The following IRF8 variants were observed in gnomAD, a reference collection of about 807,000 sequenced individuals.
IRF8 encodes the protein interferon regulatory factor 8.
In IRF8, 14 loss-of-function variants were observed where a neutral mutation model predicts 48.7. That is an observed-to-expected ratio of 0.29 (90% confidence interval 0.19 to 0.45). IRF8 has a LOEUF of 0.45. Among genes scored for constraint, IRF8 ranks in the 20% least tolerant of loss-of-function variants. The pLI is 1.00. For synonymous variants in IRF8, 278 were observed against 227.3 expected (o/e 1.22, Z -2.01); for missense variants, 493 against 580.7 (o/e 0.85, Z 1.55).
At chr16:85,915,338 C>T (rs1905269306) in intron 6 of IRF8, among the ~76,000 whole-genome samples, 1 of 152,222 alleles carries the variant, frequency 6.6e-6, no homozygotes, top group African/African-American at 2.4e-5. Context: ...AGATGGGCCA[C>T]AGAACGTTAG....
chr16:85,915,153 G>A (rs949074035), intron 6 of IRF8, among the ~76,000 whole-genome samples: 3 of 152,232 alleles, frequency 2.0e-5, no homozygotes, highest in African/African-American at 7.2e-5. Flanking sequence ...GCCTCCCCGC[G>A]GTGGGCAGAG....
intron 1 of IRF8, 124 bp from the exon 2 acceptor site, chr16:85,902,891 T>C: frequency 9.8e-7 from 1 of 1,019,614 alleles, no homozygotes; most frequent in Non-Finnish European, 1.5e-6. Context: ...CCTGAATCTG[T>C]GGGTTTCCCC....
intron 2 of IRF8, among the ~76,000 whole-genome samples, chr16:85,903,873 T>C (rs1904906147): frequency 6.6e-6 from 1 of 152,212 alleles, no homozygotes; most frequent in Non-Finnish European, 1.5e-5. Flanking sequence ...TGTTGAGGTC[T>C]CACAGCTCTT....
At chr16:85,905,751 G>A (rs564942995) in intron 2 of IRF8, among the ~76,000 whole-genome samples, 6 of 152,332 alleles carry the variant, frequency 3.9e-5, no homozygotes, top group South Asian at 2.1e-4. Context: ...GGGATTTTCC[G>A]GTTATGTAGA....
intron 6 of IRF8, among the ~76,000 whole-genome samples, chr16:85,916,173 C>T (rs561863837): frequency 2.6e-5 from 4 of 152,310 alleles, no homozygotes; most frequent in South Asian, 2.1e-4. Context: ...ATACAAGCTC[C>T]GATAATCCTC....
chr16:85,912,746 G>A (rs1257479001), intron 4 of IRF8, among the ~76,000 whole-genome samples: 1 of 152,242 alleles, frequency 6.6e-6, no homozygotes, highest in Non-Finnish European at 1.5e-5. Flanking sequence ...CTCGTTGAGC[G>A]AGATTCTTGA....
At chr16:85,899,522 A>T (rs540258616) in intron 1 of IRF8, among the ~76,000 whole-genome samples, 2 of 152,336 alleles carry the variant, frequency 1.3e-5, no homozygotes, top group African/African-American at 2.4e-5. Flanking sequence ...GAGAGCTCAT[A>T]TAATGAACGG....
At chr16:85,902,615 G>C (rs949653547) in intron 1 of IRF8, 73 of 287,870 alleles carry the variant, frequency 2.5e-4, no homozygotes, top group African/African-American at 1.4e-3. Flanking sequence ...CGGATAATGG[G>C]CTGCTCAGTG....
At chr16:85,900,022 A>G (rs964756993) in intron 1 of IRF8, among the ~76,000 whole-genome samples, 1 of 152,330 alleles carries the variant, frequency 6.6e-6, no homozygotes, top group African/African-American at 2.4e-5. Context: ...GGTAGTTAAA[A>G]TGACAGTTCA....
intron 3 of IRF8, among the ~76,000 whole-genome samples, chr16:85,910,395 C>T (rs1167366247): frequency 1.3e-5 from 2 of 152,142 alleles, no homozygotes; most frequent in African/African-American, 4.8e-5. Flanking sequence ...GAATCGGGTG[C>T]CCTTTAGGAG....
chr16:85,921,476 C>T lies in IRF8; in HGVS notation c.*194C>T, dbSNP rs979108130. 2.3e-5 allele frequency: 15 copies of T among 643,904 alleles called. No individual in the cohort carries two copies. Among genetic ancestry groups the T allele is most frequent in the African/African-American group, 9.1e-5 (5 of 54,918 alleles). 39.9% of individuals were successfully genotyped at this position (643,904 alleles called of 1,614,324 possible). On this transcript the variant is annotated 3_prime_UTR_variant, in exon 9 of 9. Transcript: ENST00000268638. ...TGGCGGCATAGCCCTGCCGAGATGT[C>T]GGTGATGGCCTGGATGCTGTAACCA... is the stretch of plus-strand genomic sequence containing the variant.
At chr16:85,919,598 A>G (rs903088272) in intron 7 of IRF8, among the ~76,000 whole-genome samples, 3 of 152,220 alleles carry the variant, frequency 2.0e-5, no homozygotes, top group Non-Finnish European at 4.4e-5. Context: ...TGCGTCCTGC[A>G]ATGTACATTC....
At chr16:85,914,383 T>G in intron 5 of IRF8, 90 bp from the exon 6 acceptor site, 3 of 1,512,802 alleles carry the variant, frequency 2.0e-6, no homozygotes, top group Non-Finnish European at 2.8e-6. Context: ...TGCAGCCTTT[T>G]AAGGGACTTT....
chr16:85,919,293 T>G (rs553750921), intron 7 of IRF8, among the ~76,000 whole-genome samples: 2 of 152,324 alleles, frequency 1.3e-5, no homozygotes, highest in South Asian at 2.1e-4. Context: ...CTGTTAGCTT[T>G]CGTTACGCTG....
intron 6 of IRF8, among the ~76,000 whole-genome samples, chr16:85,914,993 C>T (rs1194790720): frequency 6.6e-6 from 1 of 152,256 alleles, no homozygotes; most frequent in Non-Finnish European, 1.5e-5. Flanking sequence ...AGGCCAGCGT[C>T]TGTCCCAGCG....
intron 6 of IRF8, among the ~76,000 whole-genome samples, chr16:85,916,217 C>G (rs1202439466): frequency 6.6e-6 from 1 of 152,248 alleles, no homozygotes; most frequent in African/African-American, 2.4e-5. Context: ...CTGTTTTTAT[C>G]TCTACTTTGC....
At chr16:85,910,832 C>T (rs999156471) in intron 3 of IRF8, among the ~76,000 whole-genome samples, 1 of 152,162 alleles carries the variant, frequency 6.6e-6, no homozygotes, top group Non-Finnish European at 1.5e-5. Context: ...AAAATTCAGC[C>T]AGGAGGAAAC....
At chr16:85,920,271 G>C (rs776110121) in intron 8 of IRF8, 47 bp downstream of exon 8, 4 of 1,154,504 alleles carry the variant, frequency 3.5e-6, no homozygotes, top group Admixed American at 2.0e-5. Flanking sequence ...TTTTGAGATG[G>C]AGTCTTGCTC....
intron 3 of IRF8, 78 bp from the exon 4 acceptor site, chr16:85,911,492 A>T: frequency 8.4e-7 from 1 of 1,189,194 alleles, no homozygotes; most frequent in Admixed American, 1.7e-5. Flanking sequence ...CTCAGCATTT[A>T]CAGAGTAGAT....
Sources: allele counts gnomAD v4.1 joint callset (sites outside exome capture counted in the v4.1 genomes callset), GRCh38; gene constraint gnomAD v4.1.1; transcripts MANE v1.5; gene names NCBI Gene and HGNC (gene_info 2026-07-23, HGNC 2026-07-21).